The following EFHD1 variants were observed in gnomAD, a reference collection of about 807,000 sequenced individuals.
The protein encoded by EFHD1 is EF-hand domain-containing protein D1.
A neutral mutation model predicts 17.2 loss-of-function variants in EFHD1; 10 were observed. The observed-to-expected ratio is 0.58, with a 90% confidence interval of 0.36 to 0.99. EFHD1 has a LOEUF of 0.99. Ranked by LOEUF, EFHD1 falls within the 50% of genes least tolerant of loss-of-function variation. EFHD1 has a pLI of 0.01. For synonymous variants in EFHD1, 153 were observed against 142.0 expected, an observed-to-expected ratio of 1.08 and a Z score of -0.55; for missense variants, 310 against 327.5, an observed-to-expected ratio of 0.95 and a Z score of 0.41.
intron 1 of EFHD1, among the ~76,000 whole-genome samples, chr2:232,640,465 T>C (rs1416243671): frequency 6.6e-6 from 1 of 152,182 alleles, no homozygotes. Flanking sequence ...ATCATGATGA[T>C]GATGACGATG....
intron 1 of EFHD1, 54 bp from the exon 2 acceptor site, chr2:232,662,748 C>T (rs1002983117): frequency 9.0e-6 from 14 of 1,547,200 alleles, no homozygotes; most frequent in Middle Eastern, 1.7e-4. Flanking sequence ...TTACATGTTT[C>T]GGAGACTAAC....
intron 1 of EFHD1, among the ~76,000 whole-genome samples, chr2:232,637,838 AT>A (rs2106195748): frequency 6.6e-6 from 1 of 152,258 alleles, no homozygotes; most frequent in South Asian, 2.1e-4. Context: ...ATTTAAAAGT[AT>A]TTGGCTTAGG....
rs1180262783 is a variant in EFHD1, at chr2:232,613,625, CACACACATAT to C, written c.14+7460_14+7469del. Among the ~76,000 whole-genome samples, 4 of 120,110 alleles carry C rather than the reference CACACACATAT, an allele frequency of 3.3e-5. No individual in the cohort carries two copies. In the East Asian group the frequency reaches 8.6e-4, roughly 26 times the overall value. The allele number at this position is 120,110 out of a possible 152,430, so 78.8% of individuals were successfully genotyped here. ...AACCACACACACACACACACACACA[CACACACATAT>C]ACACACACATACACACACACACAAA... On this transcript the variant is annotated intron_variant, in intron 1 of 3. Transcript: ENST00000409613.
intron 1 of EFHD1, among the ~76,000 whole-genome samples, chr2:232,613,625 C>CATATAT (rs1553593999): frequency 2.5e-5 from 3 of 120,110 alleles, no homozygotes; most frequent in African/African-American, 1.0e-4. Context: ...CACACACACA[C>CATATAT]ACACACATAT....
At chr2:232,680,058 A>C (rs1695248032) in intron 3 of EFHD1, among the ~76,000 whole-genome samples, 1 of 152,114 alleles carries the variant, frequency 6.6e-6, no homozygotes, top group African/African-American at 2.4e-5. Flanking sequence ...GAATTGCTTG[A>C]GTTTAGGAGT....
At chr2:232,660,110 C>A (rs1694830228) in intron 1 of EFHD1, among the ~76,000 whole-genome samples, 1 of 152,148 alleles carries the variant, frequency 6.6e-6, no homozygotes, top group East Asian at 1.9e-4. Flanking sequence ...GGATGCAGAT[C>A]CAAACCAGAT....
chr2:232,662,709 T>G (rs1200941885), intron 1 of EFHD1, 93 bp from the exon 2 acceptor site: 2 of 1,515,718 alleles, frequency 1.3e-6, no homozygotes, highest in Non-Finnish European at 1.8e-6. Context: ...GGTATTTGAG[T>G]CATTTTTCGA....
At chr2:232,615,337 G>GTGTGTA (rs1693908521) in intron 1 of EFHD1, among the ~76,000 whole-genome samples, 2 of 151,754 alleles carry the variant, frequency 1.3e-5, no homozygotes, top group South Asian at 4.2e-4. Context: ...GTGTGTGTGT[G>GTGTGTA]TGTGTGTGTG....
At chr2:232,607,421 C>T (rs1693738014) in intron 1 of EFHD1, among the ~76,000 whole-genome samples, 1 of 139,200 alleles carries the variant, frequency 7.2e-6, no homozygotes, top group South Asian at 2.3e-4. Context: ...AGCCCCGTCT[C>T]TCCTAAAAAT....
chr2:232,658,716 GA>G (rs765932129), intron 1 of EFHD1, among the ~76,000 whole-genome samples: 2 of 152,034 alleles, frequency 1.3e-5, no homozygotes, highest in Non-Finnish European at 2.9e-5. Flanking sequence ...CATACAGACA[GA>G]AAGGCTAGTA....
intron 2 of EFHD1, among the ~76,000 whole-genome samples, chr2:232,670,063 G>C (rs1005478504): frequency 2.6e-5 from 4 of 152,148 alleles, no homozygotes; most frequent in African/African-American, 9.7e-5. Context: ...GGAAAAATAA[G>C]TCATGAAGCT....
At chr2:232,611,975 C>G (rs998313370) in intron 1 of EFHD1, 1 of 152,146 alleles carries the variant, frequency 6.6e-6, no homozygotes, top group Non-Finnish European at 1.5e-5. Context: ...CCTGTCTAGC[C>G]CACCCAAAAT....
intron 1 of EFHD1, among the ~76,000 whole-genome samples, chr2:232,641,135 C>T (rs1023826453): frequency 5.9e-5 from 9 of 152,220 alleles, no homozygotes; most frequent in Middle Eastern, 6.8e-3. Flanking sequence ...CTCCACCTCC[C>T]GGGCTCAAGT....
intron 1 of EFHD1, among the ~76,000 whole-genome samples, chr2:232,615,822 G>A (rs1182900727): frequency 1.3e-5 from 2 of 151,682 alleles, no homozygotes; most frequent in South Asian, 4.2e-4. Flanking sequence ...CGAGTAGCTG[G>A]GATTACAGGC....
intron 1 of EFHD1, among the ~76,000 whole-genome samples, chr2:232,615,132 T>C (rs560856380): frequency 1.3e-5 from 2 of 152,084 alleles, no homozygotes; most frequent in East Asian, 1.9e-4. Context: ...GGGGACTACA[T>C]GCACCCACCA....
intron 1 of EFHD1, among the ~76,000 whole-genome samples, chr2:232,654,447 G>C (rs1694721523): frequency 8.1e-6 from 1 of 123,362 alleles, no homozygotes; most frequent in South Asian, 2.7e-4. Flanking sequence ...TTGAGACAGA[G>C]TCTCACTCTG....
At chr2:232,639,457 G>C (rs1213299655) in intron 1 of EFHD1, among the ~76,000 whole-genome samples, 20 of 151,968 alleles carry the variant, frequency 1.3e-4, no homozygotes, top group Admixed American at 1.3e-3. Flanking sequence ...AAAGCGCTGG[G>C]ATCATAGGCA....
chr2:232,633,343 A>T, upstream of EFHD1: 1 of 486,122 alleles, frequency 2.1e-6, no homozygotes, highest in Non-Finnish European at 2.8e-6. Flanking sequence ...CGGAGCTGAC[A>T]GGGGCAGCAA....
intron 2 of EFHD1, among the ~76,000 whole-genome samples, chr2:232,670,670 AAAG>A (rs969658485): frequency 1.8e-4 from 27 of 152,166 alleles, no homozygotes; most frequent in Admixed American, 5.2e-4. Context: ...TTAAAAAAAA[AAAG>A]AAGCCATAAA....
Sources: gnomAD v4.1 joint callset for allele counts (sites outside exome capture counted in the v4.1 genomes callset) on GRCh38, gnomAD v4.1.1 for gene constraint, MANE v1.5 for transcripts, NCBI Gene and HGNC (gene_info 2026-07-23, HGNC 2026-07-21) for gene names.